The following CRADD variants were observed in gnomAD, a reference collection of about 807,000 sequenced individuals.
CRADD encodes CARD and death domain containing adaptor protein.
A neutral mutation model predicts 15.5 loss-of-function variants in CRADD; 9 were observed. That is an observed-to-expected ratio of 0.58 (90% CI 0.35 to 1.01). The LOEUF is 1.01. Among genes scored for constraint, CRADD ranks in the 50% least tolerant of loss-of-function variants. CRADD has a pLI of 0.02. For missense variants in CRADD, 227 were observed against 250.3 expected, an observed-to-expected ratio of 0.91 and a Z score of 0.63; for synonymous variants, 118 against 107.6, an observed-to-expected ratio of 1.10 and a Z score of -0.60.
intron 2 of CRADD, among the ~76,000 whole-genome samples, chr12:93,727,170 CAA>C (rs1956383121): frequency 6.6e-6 from 1 of 152,166 alleles, no homozygotes; most frequent in Non-Finnish European, 1.5e-5. Flanking sequence ...GTTGAACAAA[CAA>C]GAGTTCAAGA....
At chr12:93,703,528 T>G (rs1955881435) in intron 2 of CRADD, among the ~76,000 whole-genome samples, 1 of 151,990 alleles carries the variant, frequency 6.6e-6, no homozygotes, top group African/African-American at 2.4e-5. Flanking sequence ...ACCTGGCTAA[T>G]TTTTGTATTT....
chr12:93,760,069 C>T (rs1010053813), intron 2 of CRADD, among the ~76,000 whole-genome samples: 2 of 152,102 alleles, frequency 1.3e-5, no homozygotes, highest in African/African-American at 4.8e-5. Flanking sequence ...ACTTGTTAGC[C>T]TGGGTCCCAA....
At chr12:93,810,689 G>A (rs531160228) in intron 2 of CRADD, among the ~76,000 whole-genome samples, 1 of 151,202 alleles carries the variant, frequency 6.6e-6, no homozygotes, top group Non-Finnish European at 1.5e-5. Context: ...TGTGAAACGG[G>A]CTCCATGTCA....
At chr12:93,750,602 A>AT (rs903330376) in intron 2 of CRADD, among the ~76,000 whole-genome samples, 7 of 151,592 alleles carry the variant, frequency 4.6e-5, no homozygotes, top group East Asian at 1.9e-4. Context: ...TTATTCCAGT[A>AT]TTTTTTTTTC....
At position 93,773,365 on chromosome 12, in the gene CRADD, C is replaced by T. The variant is rs75346198; in HGVS notation, c.299-76605C>T. Among the ~76,000 whole-genome samples the T allele has an allele frequency of 4.4e-3, 672 of 152,210 alleles. 6 individuals carry two copies. Among genetic ancestry groups the T allele is most frequent in the African/African-American group, 8.4e-3 (349 of 41,510 alleles). On this transcript the variant is annotated intron_variant, in intron 2 of 2. Transcript: ENST00000332896. ...TTCTGGTGGTGACGAATGAGTCTCA[C>T]GGGATCTGATGATTATATAAGGGGG...
chr12:93,692,608 C>T (rs759458212), intron 2 of CRADD, among the ~76,000 whole-genome samples: 27 of 152,134 alleles, frequency 1.8e-4, no homozygotes, highest in Non-Finnish European at 3.5e-4. Flanking sequence ...AAATTGCTAA[C>T]AATGAATAGT....
At chr12:93,764,548 A>T (rs1957005325) in intron 2 of CRADD, among the ~76,000 whole-genome samples, 1 of 151,850 alleles carries the variant, frequency 6.6e-6, no homozygotes. Context: ...GAAGTTTCAG[A>T]TACATTTCTT....
At chr12:93,830,179 C>T (rs1339308712) in intron 2 of CRADD, among the ~76,000 whole-genome samples, 1 of 152,182 alleles carries the variant, frequency 6.6e-6, no homozygotes, top group African/African-American at 2.4e-5. Context: ...CTGCCCCTTC[C>T]TCGAATCTTC....
chr12:93,752,606 AT>A (rs1484120798), intron 2 of CRADD, among the ~76,000 whole-genome samples: 1 of 152,220 alleles, frequency 6.6e-6, no homozygotes, highest in African/African-American at 2.4e-5. Context: ...GAACAAAAAA[AT>A]ATATCTGATG....
intron 2 of CRADD, among the ~76,000 whole-genome samples, chr12:93,689,605 C>A (rs766311246): frequency 6.6e-5 from 10 of 152,094 alleles, no homozygotes; most frequent in Admixed American, 1.3e-4. Flanking sequence ...CTAAGAAGTG[C>A]CAAGTTGACA....
At chr12:93,684,525 G>A (rs1156739862) in intron 2 of CRADD, among the ~76,000 whole-genome samples, 1 of 152,182 alleles carries the variant, frequency 6.6e-6, no homozygotes, top group Non-Finnish European at 1.5e-5. Flanking sequence ...CGGTATGGGA[G>A]TTGGGGACCC....
In CRADD at chr12:93,797,525, CTA is replaced by C. The variant is rs1422507231; in HGVS notation, c.299-52442_299-52441del. Among the ~76,000 whole-genome samples, 3 of 152,182 alleles carry C rather than the reference CTA, an allele frequency of 2.0e-5. No individual in the cohort carries two copies. The East Asian group carries it at 5.8e-4, about 29-fold the overall frequency. ...AAGACGGGTTTTGGGTTTCCAGAAG[CTA>C]TAGAGTTGGTGGCAGTTTGAGCCAA... On this transcript the variant is annotated intron_variant, in intron 2 of 2. Coordinates refer to ENST00000332896, the MANE Select transcript of CRADD (RefSeq NM_003805.5).
At chr12:93,698,257 C>G (rs1955758160) in intron 2 of CRADD, among the ~76,000 whole-genome samples, 1 of 152,082 alleles carries the variant, frequency 6.6e-6, no homozygotes, top group Admixed American at 6.5e-5. Flanking sequence ...CCACTCTTTG[C>G]TAAACTCCAG....
At chr12:93,831,735 G>A (rs1957905905) in intron 2 of CRADD, among the ~76,000 whole-genome samples, 1 of 152,230 alleles carries the variant, frequency 6.6e-6, no homozygotes, top group Non-Finnish European at 1.5e-5. Context: ...ATGCTTTCAT[G>A]CTGAGTTAAT....
At chr12:93,718,406 T>TG (rs930298959) in intron 2 of CRADD, among the ~76,000 whole-genome samples, 1 of 152,144 alleles carries the variant, frequency 6.6e-6, no homozygotes, top group Non-Finnish European at 1.5e-5. Context: ...TTTTGATCTT[T>TG]GGGGGGGTGC....
chr12:93,848,943 T>G (rs564657472), intron 2 of CRADD: 2 of 152,268 alleles, frequency 1.3e-5, no homozygotes, highest in Non-Finnish European at 2.9e-5. Context: ...TCTTCTGGGC[T>G]CTGCCAGAAC....
chr12:93,854,594 T>C (rs1958256108), downstream of CRADD, among the ~76,000 whole-genome samples: 1 of 152,178 alleles, frequency 6.6e-6, no homozygotes, highest in South Asian at 2.1e-4. Flanking sequence ...AATTGAGATT[T>C]CTGGGCCCTA....
chr12:93,857,421 G>A (rs1225766161), intron 2 of CRADD, among the ~76,000 whole-genome samples: 1 of 152,150 alleles, frequency 6.6e-6, no homozygotes, highest in East Asian at 1.9e-4. Flanking sequence ...CTAATTCAAG[G>A]ACAACAAATG....
At chr12:93,796,989 A>G (rs1456363902) in intron 2 of CRADD, among the ~76,000 whole-genome samples, 1 of 152,066 alleles carries the variant, frequency 6.6e-6, no homozygotes, top group Admixed American at 6.6e-5. Flanking sequence ...TGCTTCCTCC[A>G]CTGGGACCAA....
Sources: gnomAD v4.1 joint callset for allele counts (sites outside exome capture counted in the v4.1 genomes callset) on GRCh38, gnomAD v4.1.1 for gene constraint, MANE v1.5 for transcripts, NCBI Gene and HGNC (gene_info 2026-07-23, HGNC 2026-07-21) for gene names.